TM4SF5: variants seen among roughly 807,000 people sequenced by gnomAD.
The protein encoded by TM4SF5 is transmembrane 4 L six family member 5, also known as transmembrane 4 L6 family member 5.
In TM4SF5, 16 loss-of-function variants were observed where a neutral mutation model predicts 22.3. That is an observed-to-expected ratio of 0.72 (90% CI 0.49 to 1.09). TM4SF5 has a LOEUF of 1.09. TM4SF5 is among the 50% of genes least tolerant of loss of function. The probability of loss-of-function intolerance (pLI) is 0.00; values close to 1 mark genes in which losing one functional copy is unlikely to be tolerated. For missense variants in TM4SF5, 249 were observed against 266.1 expected, an observed-to-expected ratio of 0.94 and a Z score of 0.45; for synonymous variants, 113 against 109.6, an observed-to-expected ratio of 1.03 and a Z score of -0.19.
intron 1 of TM4SF5, among the ~76,000 whole-genome samples, chr17:4,776,932 C>A (rs573799196): frequency 6.6e-6 from 1 of 152,014 alleles, no homozygotes; most frequent in Admixed American, 6.6e-5. Context: ...GGGCGTGGGG[C>A]CTCAAGCCTG....
chr17:4,779,055 CAAAAAAAAAA>C (rs1297196059), intron 1 of TM4SF5, among the ~76,000 whole-genome samples: 1 of 54,750 alleles, frequency 1.8e-5, no homozygotes, highest in African/African-American at 6.2e-5. Context: ...GACTCCGTCT[CAAAAAAAAAA>C]AAAAAAAAAG....
Position 4,783,144 on chromosome 17 carries a change from C to A in TM4SF5, c.*16C>A, listed in dbSNP as rs1200673174. The stretch of plus-strand genomic sequence containing the variant: ...ACCTCACTGAGGCTCCACTGACCGC[C>A]GGGTTACACCTGCTCCTTCCTGGAC... On this transcript the variant is annotated 3_prime_UTR_variant, in exon 5 of 5. Transcript: ENST00000270560. 1 of 1,613,762 alleles carries A rather than the reference C, an allele frequency of 6.2e-7. No individual in the cohort carries two copies.
In TM4SF5 at chr17:4,782,845, C is replaced by A; in HGVS notation, c.396-9C>A. ...TGCCTTCTCCCACGTGGCCTCACCCCTCCCACAGGGGAGCTTACTTGCTCA... is the reference window on the plus strand; with the variant it reads ...TGCCTTCTCCCACGTGGCCTCACCCATCCCACAGGGGAGCTTACTTGCTCA... On this transcript the variant is annotated splice_polypyrimidine_tract_variant and intron_variant, in intron 3 of 4. Coordinates refer to ENST00000270560, the MANE Select transcript of TM4SF5 (RefSeq NM_003963.3). The A allele has an allele frequency of 6.2e-7, 1 of 1,609,028 alleles. No homozygotes were observed. The highest frequency in any genetic ancestry group is 1.1e-5 in the South Asian group (1 of 90,554).
intron 1 of TM4SF5, among the ~76,000 whole-genome samples, chr17:4,774,089 C>T (rs968925954): frequency 2.0e-5 from 3 of 152,254 alleles, no homozygotes; most frequent in East Asian, 3.9e-4. Flanking sequence ...GGCATAGTGG[C>T]GGGCGCCTGT....
intron 1 of TM4SF5, among the ~76,000 whole-genome samples, chr17:4,780,201 A>G (rs979210608): frequency 4.6e-5 from 7 of 151,940 alleles, no homozygotes; most frequent in African/African-American, 1.5e-4. Context: ...GATTATAGGC[A>G]TGCGCCACCA....
intron 1 of TM4SF5, among the ~76,000 whole-genome samples, chr17:4,772,482 C>T (rs1055256874): frequency 2.0e-5 from 3 of 152,104 alleles, no homozygotes; most frequent in South Asian, 2.1e-4. Flanking sequence ...GAGGGTGGGG[C>T]GCAGTGAAAT....
chr17:4,778,753 T>C (rs180685564), intron 1 of TM4SF5, among the ~76,000 whole-genome samples: 2 of 152,166 alleles, frequency 1.3e-5, no homozygotes, highest in East Asian at 3.9e-4. Flanking sequence ...TTACAAGAGT[T>C]AGGCGTTCAA....
chr17:4,783,079 G>A, intron 4 of TM4SF5, 35 bp from the exon 5 acceptor site: 1 of 1,614,154 alleles, frequency 6.2e-7, no homozygotes. Context: ...AACCTGCCTG[G>A]TCCTGGCTGC....
intron 2 of TM4SF5, among the ~76,000 whole-genome samples, chr17:4,782,200 T>C (rs1053953362): frequency 6.6e-6 from 1 of 151,616 alleles, no homozygotes; most frequent in Non-Finnish European, 1.5e-5. Context: ...ATGTTCAAGC[T>C]ATTCTCCTGC....
At chr17:4,782,791 C>A in intron 3 of TM4SF5, 63 bp from the exon 4 acceptor site, 2 of 1,578,172 alleles carry the variant, frequency 1.3e-6, no homozygotes, top group Non-Finnish European at 1.7e-6. Flanking sequence ...GGGACGTATT[C>A]TTGGGGGCGG....
Position 4,782,968 on chromosome 17 carries a change from A to T in TM4SF5, c.510A>T (p.Ile170=), listed in dbSNP as rs1195394026. Residue 170 remains isoleucine, a synonymous_variant, in exon 4 of 5, where the codon ATA becomes ATT. Coordinates refer to ENST00000270560, the MANE Select transcript of TM4SF5 (RefSeq NM_003963.3). ...TGGTGGCCGCCTCCTGCCTGGAGAT[A>T]GTACTGTGTGGGATCCAGCTGGTGA... The part of the protein sequence containing the change: ...SLLVAASCLE[I]VLCGIQLVNA... The T allele has an allele frequency of 6.2e-7, 1 of 1,614,080 alleles. No homozygotes were observed. The highest frequency in any genetic ancestry group is 8.5e-7 in the Non-Finnish European group (1 of 1,180,040).
Position 4,783,210 on chromosome 17 carries a change from T to A in TM4SF5, c.*82T>A. 6.3e-7 allele frequency: 1 copy of A among 1,590,102 alleles called. No individual in the cohort carries two copies. Among genetic ancestry groups the A allele is most frequent in the Non-Finnish European group, 8.6e-7 (1 of 1,161,954 alleles). ...CGCTAGAATAAACTGCTTTGCGCTCTCTTCTCTGTCTGAGATTGTGCCTTC... is the reference window on the plus strand; with the variant it reads ...CGCTAGAATAAACTGCTTTGCGCTCACTTCTCTGTCTGAGATTGTGCCTTC... On this transcript the variant is annotated 3_prime_UTR_variant, in exon 5 of 5. Coordinates refer to ENST00000270560, the MANE Select transcript of TM4SF5 (RefSeq NM_003963.3).
chr17:4,774,629 C>T (rs895607210), intron 1 of TM4SF5, among the ~76,000 whole-genome samples: 2 of 152,120 alleles, frequency 1.3e-5, no homozygotes, highest in African/African-American at 4.8e-5. Flanking sequence ...TACCATCGGC[C>T]GGGCGCAGTG....
chr17:4,772,211 C>T lies in TM4SF5; in HGVS notation c.177+112C>T, dbSNP rs1917123461. On this transcript the variant is annotated intron_variant, in intron 1 of 4. Coordinates refer to ENST00000270560, the MANE Select transcript of TM4SF5 (RefSeq NM_003963.3). ...AGAATGGTTGCTTGGGAGAGGATGGCAATGGCTTCGTGGGGGCTAGCAGCC... is the reference window on the plus strand; with the variant it reads ...AGAATGGTTGCTTGGGAGAGGATGGTAATGGCTTCGTGGGGGCTAGCAGCC... 3.7e-6 allele frequency: 5 copies of T among 1,362,526 alleles called. No individual in the cohort carries two copies. The African/African-American group carries it at 5.7e-5, about 16-fold the overall frequency. The allele number at this position is 1,362,526 out of a possible 1,614,324, so 84.4% of individuals were successfully genotyped here.
chr17:4,776,096 AC>A (rs1370400586), intron 1 of TM4SF5, among the ~76,000 whole-genome samples: 1 of 150,592 alleles, frequency 6.6e-6, no homozygotes, highest in African/African-American at 2.4e-5. Context: ...TGATCCACCC[AC>A]CTCGGCCTCC....
intron 2 of TM4SF5, among the ~76,000 whole-genome samples, chr17:4,781,140 A>AG (rs1399377048): frequency 4.6e-5 from 2 of 43,192 alleles, no homozygotes; most frequent in African/African-American, 1.6e-4. Context: ...TGATTTAAAA[A>AG]AAAAAAAAAA....
chr17:4,776,139 G>A (rs945074430), intron 1 of TM4SF5, among the ~76,000 whole-genome samples: 3 of 151,956 alleles, frequency 2.0e-5, no homozygotes, highest in African/African-American at 4.8e-5. Context: ...GTGAGCCACC[G>A]CGCCTGGCCT....
At chr17:4,773,032 G>A (rs1917142345) in intron 1 of TM4SF5, among the ~76,000 whole-genome samples, 2 of 151,956 alleles carry the variant, frequency 1.3e-5, no homozygotes, top group African/African-American at 2.4e-5. Flanking sequence ...AGCCTCCTGA[G>A]TAGCTGGGAT....
intron 1 of TM4SF5, among the ~76,000 whole-genome samples, chr17:4,777,206 AAAAAAG>A (rs1401309979): frequency 1.3e-5 from 2 of 151,798 alleles, no homozygotes; most frequent in Non-Finnish European, 1.5e-5. Context: ...CAAAAAAAAA[AAAAAAG>A]AAAAAGAAAA....
Sources: allele counts gnomAD v4.1 joint callset (sites outside exome capture counted in the v4.1 genomes callset), GRCh38; gene constraint gnomAD v4.1.1; transcripts MANE v1.5; gene names NCBI Gene and HGNC (gene_info 2026-07-23, HGNC 2026-07-21).